The following ERBB4 variants were observed in gnomAD, a reference collection of about 807,000 sequenced individuals.
The protein encoded by ERBB4 is receptor tyrosine-protein kinase erbB-4.
In ERBB4, 42 loss-of-function variants were observed where a neutral mutation model predicts 158.0. That is an observed-to-expected ratio of 0.27 (90% confidence interval 0.21 to 0.34). ERBB4 has a LOEUF of 0.34. Among genes scored for constraint, ERBB4 ranks in the 10% least tolerant of loss-of-function variants. The probability of loss-of-function intolerance (pLI) is 1.00; values close to 1 mark genes in which losing one functional copy is unlikely to be tolerated. For synonymous variants in ERBB4, 583 were observed against 558.7 expected, an observed-to-expected ratio of 1.04 and a Z score of -0.61; for missense variants, 1,333 against 1,624.1, an observed-to-expected ratio of 0.82 and a Z score of 3.08.
intron 1 of ERBB4, among the ~76,000 whole-genome samples, chr2:212,244,166 T>C (rs1157109134): frequency 6.6e-6 from 1 of 152,094 alleles, no homozygotes; most frequent in African/African-American, 2.4e-5. Context: ...AATGGGCATA[T>C]TAACAAAAAT....
intron 25 of ERBB4, among the ~76,000 whole-genome samples, chr2:211,405,509 T>C (rs1317664147): frequency 6.6e-6 from 1 of 152,188 alleles, no homozygotes; most frequent in Non-Finnish European, 1.5e-5. Context: ...TTCCATAATC[T>C]CTGTGATTTC....
rs2077943682 is a variant in ERBB4, at chr2:212,066,218, C to A, written c.234+58534G>T. On this transcript the variant is annotated intron_variant, in intron 2 of 27. Transcript: ENST00000342788. ...CTGGCTCTAACTTGTGTCCTAAACT[C>A]CTCAAAAATAATATAAAGATTAAGA... 1.3e-5 allele frequency among the ~76,000 whole-genome samples: 2 copies of A among 151,856 alleles called. 1 individual carries two copies. The highest frequency in any genetic ancestry group is 4.2e-4 in the South Asian group (2 of 4,814).
chr2:212,217,078 A>G lies in ERBB4; in HGVS notation c.83-92175T>C, dbSNP rs1335724519. ...GAAAGGTAGCATCAGACAATTAGCA[A>G]CCAATGGCTTGAGGAGAATTAAAAG... On this transcript the variant is annotated intron_variant, in intron 1 of 27. Transcript: ENST00000342788. Among the ~76,000 whole-genome samples the G allele has an allele frequency of 2.0e-5, 3 of 151,432 alleles. 1 individual carries two copies. Among genetic ancestry groups the G allele is most frequent in the African/African-American group, 7.2e-5 (3 of 41,384 alleles).
At position 211,701,960 on chromosome 2, in the gene ERBB4, TA is replaced by T. The variant is rs1420766503; in HGVS notation, c.1489+6del. 1 of 1,598,018 alleles carries T rather than the reference TA, an allele frequency of 6.3e-7. No homozygotes were observed. The highest frequency in any genetic ancestry group is 8.6e-7 in the Non-Finnish European group (1 of 1,165,414). On this transcript the variant is annotated splice_donor_region_variant and intron_variant, in intron 12 of 27. Transcript: ENST00000342788. ...CTATGTTTTAAATGTCTGAGTAATG[TA>T]CTTACTACAATTTTCAGCTTTTCTG...
intron 2 of ERBB4, among the ~76,000 whole-genome samples, chr2:212,099,718 A>G (rs41476746): frequency 0.089 from 12,964 of 145,524 alleles, 607 homozygotes; most frequent in Middle Eastern, 0.13. Context: ...AGTCAGCTCT[A>G]TATAGCTTTG....
chr2:211,980,968 G>A (rs1300893071), intron 2 of ERBB4, among the ~76,000 whole-genome samples: 1 of 152,000 alleles, frequency 6.6e-6, no homozygotes, highest in East Asian at 1.9e-4. Context: ...GAGCAGCCGT[G>A]TCATCTCGAT....
intron 1 of ERBB4, among the ~76,000 whole-genome samples, chr2:212,239,136 C>T (rs115322553): frequency 0.01 from 1,534 of 152,228 alleles, 35 homozygotes; most frequent in African/African-American, 0.035. Context: ...TCACTGTAGC[C>T]GCAAACTCCT....
chr2:212,372,022 T>TA (rs1404577738), intron 1 of ERBB4, among the ~76,000 whole-genome samples: 1 of 152,180 alleles, frequency 6.6e-6, no homozygotes, highest in Non-Finnish European at 1.5e-5. Context: ...TTAAAACTTT[T>TA]AAAATCTGAT....
chr2:212,328,114 G>A (rs558015942), intron 1 of ERBB4, among the ~76,000 whole-genome samples: 5 of 151,888 alleles, frequency 3.3e-5, no homozygotes, highest in East Asian at 3.9e-4. Flanking sequence ...AGGAAACTCA[G>A]TGGTACTCAT....
At chr2:211,882,806 T>C (rs191214915) in intron 3 of ERBB4, among the ~76,000 whole-genome samples, 143 of 152,322 alleles carry the variant, frequency 9.4e-4, no homozygotes, top group Middle Eastern at 3.4e-3. Context: ...TTGAAGAGAC[T>C]GACAGAAGAC....
intron 1 of ERBB4, among the ~76,000 whole-genome samples, chr2:212,436,986 G>A (rs1406677252): frequency 6.6e-6 from 1 of 151,966 alleles, no homozygotes; most frequent in Non-Finnish European, 1.5e-5. Context: ...GAGGATTTTA[G>A]TACAAGCAAG....
intron 1 of ERBB4, among the ~76,000 whole-genome samples, chr2:212,151,602 T>C (rs2080871355): frequency 6.6e-6 from 1 of 151,954 alleles, no homozygotes. Flanking sequence ...ATAAAAATGG[T>C]CCATGGCTGG....
intron 1 of ERBB4, among the ~76,000 whole-genome samples, chr2:212,301,814 C>T (rs2086634213): frequency 6.6e-6 from 1 of 151,222 alleles, no homozygotes; most frequent in African/African-American, 2.4e-5. Context: ...AGGCATGTAA[C>T]TTATAGGGTA....
chr2:211,929,214 G>C (rs1452271547), intron 3 of ERBB4, among the ~76,000 whole-genome samples: 1 of 150,062 alleles, frequency 6.7e-6, no homozygotes, highest in African/African-American at 2.5e-5. Flanking sequence ...CATAGAACTT[G>C]ACTGTTTATC....
At chr2:212,072,087 G>A (rs775123949) in intron 2 of ERBB4, among the ~76,000 whole-genome samples, 1 of 151,956 alleles carries the variant, frequency 6.6e-6, no homozygotes, top group Non-Finnish European at 1.5e-5. Context: ...TGCTCCAAAT[G>A]TTGCTTTGTC....
chr2:211,948,172 C>T (rs962469692), intron 2 of ERBB4, among the ~76,000 whole-genome samples: 2 of 152,106 alleles, frequency 1.3e-5, no homozygotes, highest in African/African-American at 4.8e-5. Context: ...CATGGTGGCT[C>T]ATGCCTGTAA....
intron 19 of ERBB4, among the ~76,000 whole-genome samples, chr2:211,618,058 C>G (rs970169227): frequency 7.2e-5 from 11 of 151,888 alleles, no homozygotes; most frequent in African/African-American, 2.7e-4. Context: ...TTCTGATTGA[C>G]CTTAAAAAGT....
At chr2:211,835,507 A>T (rs551224902) in intron 3 of ERBB4, among the ~76,000 whole-genome samples, 1 of 152,078 alleles carries the variant, frequency 6.6e-6, no homozygotes, top group East Asian at 1.9e-4. Context: ...TTCTTGATTA[A>T]TTTTTTTTAT....
At chr2:212,171,367 G>A (rs958751439) in intron 1 of ERBB4, among the ~76,000 whole-genome samples, 5 of 151,288 alleles carry the variant, frequency 3.3e-5, no homozygotes, top group South Asian at 4.2e-4. Flanking sequence ...CAGAGTACTT[G>A]CCTTGTCTCA....
Sources: gnomAD v4.1 joint callset for allele counts (sites outside exome capture counted in the v4.1 genomes callset) on GRCh38, gnomAD v4.1.1 for gene constraint, MANE v1.5 for transcripts, NCBI Gene and HGNC (gene_info 2026-07-23, HGNC 2026-07-21) for gene names.